The following GDNF variants were observed in gnomAD, a reference collection of about 807,000 sequenced individuals.
The protein encoded by GDNF is glial cell derived neurotrophic factor.
Under a neutral mutation model 13.7 loss-of-function variants are expected in GDNF, and 5 were observed. That is an observed-to-expected ratio of 0.36 (90% CI 0.19 to 0.77). GDNF has a LOEUF of 0.77. Ranked by LOEUF, GDNF falls within the 30% of genes least tolerant of loss-of-function variation. GDNF has a pLI of 0.51. For synonymous variants in GDNF, 122 were observed against 112.5 expected (o/e 1.08, Z -0.53); for missense variants, 246 against 274.3 (o/e 0.90, Z 0.73).
chr5:37,827,209 A>T (rs546463632), intron 2 of GDNF, among the ~76,000 whole-genome samples: 145 of 143,148 alleles, frequency 1.0e-3, no homozygotes, highest in Non-Finnish European at 1.4e-3. Context: ...CCTGGGTTTT[A>T]AAAAAAAAAA....
At position 37,815,694 on chromosome 5, in the gene GDNF, T is replaced by C. The variant is rs1207487154; in HGVS notation, c.593A>G (p.His198Arg). Residue 198 changes from histidine to arginine, a missense_variant, in exon 3 of 3, where the codon CAT becomes CGT. By Grantham distance (29) the His-to-Arg change is conservative. Coordinates refer to ENST00000326524, the MANE Select transcript of GDNF (RefSeq NM_000514.4). This position sits in a 1 kb window ranked among gnomAD's most constrained non-coding sequence, Gnocchi z 5.0. ...TTTAGCGGAATGCTTTCTTAGAATA[T>C]GGTAAACCAGGTTATCATCTAAAAA... ...LSFLDDNLVYHILRKHSAKRC... is the reference protein window; with the variant it reads ...LSFLDDNLVYRILRKHSAKRC... The C allele has an allele frequency of 1.9e-6, 3 of 1,613,692 alleles. No individual in the cohort carries two copies. The highest frequency in any genetic ancestry group is 2.5e-6 in the Non-Finnish European group (3 of 1,179,702).
In GDNF at chr5:37,815,885, A is replaced by G; in HGVS notation, c.402T>C (p.Tyr134=). The G allele has an allele frequency of 6.2e-7, 1 of 1,614,212 alleles. No homozygotes were observed. The change falls in exon 3 of 3, where the codon TAT becomes TAC. Residue 134 remains tyrosine, a synonymous_variant. Transcript: ENST00000326524. The surrounding 1 kb of genome is among the most constrained non-coding windows in gnomAD (Gnocchi z 5.0). Reference sequence around the variant, plus strand: ...TAAAAATCAGTTCCTCCTTGGTTTCATAGCCCAGACCCAAGTCAGTGACAT... The same window carrying G: ...TAAAAATCAGTTCCTCCTTGGTTTCGTAGCCCAGACCCAAGTCAGTGACAT... ...HLNVTDLGLG[Y]ETKEELIFRY...
chr5:37,816,272 C>A, intron 2 of GDNF, 137 bp from the exon 3 acceptor site: 1 of 781,322 alleles, frequency 1.3e-6, no homozygotes, highest in Non-Finnish European at 2.1e-6. Flanking sequence ...GCTATAGGAC[C>A]ACTGTAATCC....
Position 37,812,868 on chromosome 5 carries a change from C to T in GDNF, c.*2783G>A, listed in dbSNP as rs2111610892. The T allele has an allele frequency of 6.6e-6, 1 of 152,250 alleles. No individual in the cohort carries two copies. Among genetic ancestry groups the T allele is most frequent in the Middle Eastern group, 3.4e-3 (1 of 294 alleles). 9.4% of individuals were successfully genotyped at this position (152,250 alleles called of 1,614,324 possible). ...ATAAAGAAAAATCACAAACTTTACC[C>T]TTTTGTGGATTTGGTGGAGCAACTT... is the stretch of plus-strand genomic sequence containing the variant. On this transcript the variant is annotated 3_prime_UTR_variant, in exon 3 of 3. Coordinates refer to ENST00000326524, the MANE Select transcript of GDNF (RefSeq NM_000514.4).
intron 2 of GDNF, chr5:37,823,138 T>G (rs941615517): frequency 1.3e-5 from 2 of 152,188 alleles, no homozygotes; most frequent in African/African-American, 4.8e-5. Context: ...ACTATCTCCA[T>G]TTTACAGCTC....
chr5:37,837,438 G>A lies in GDNF; in HGVS notation c.-27+2069C>T, dbSNP rs1172378158. On this transcript the variant is annotated intron_variant, in intron 1 of 2. Coordinates refer to ENST00000326524, the MANE Select transcript of GDNF (RefSeq NM_000514.4). This position sits in a 1 kb window ranked among gnomAD's most constrained non-coding sequence, Gnocchi z 6.5. ...ACCACGTCCCGGCAGGGCAAAAGCA[G>A]CAGGCCGTGGGCGCCGGCACCTGTG... Among the ~76,000 whole-genome samples, 1 of 152,070 alleles carries A rather than the reference G, an allele frequency of 6.6e-6. No individual in the cohort carries two copies. The highest frequency in any genetic ancestry group is 1.5e-5 in the Non-Finnish European group (1 of 68,008).
In GDNF at chr5:37,815,932, C is replaced by G; in HGVS notation, c.355G>C (p.Val119Leu). 1 of 1,614,190 alleles carries G rather than the reference C, an allele frequency of 6.2e-7. No homozygotes were observed. The highest frequency in any genetic ancestry group is 8.5e-7 in the Non-Finnish European group (1 of 1,180,042). Residue 119 changes from valine (V) to leucine (L), a missense_variant, in exon 3 of 3, where the codon GTC becomes CTC. Val to Leu is a conservative substitution (Grantham distance 32, BLOSUM62 1). Coordinates refer to ENST00000326524, the MANE Select transcript of GDNF (RefSeq NM_000514.4). The surrounding 1 kb of genome is among the most constrained non-coding windows in gnomAD (Gnocchi z 5.0). The part of the protein sequence containing the change: ...RGQRGKNRGC[V>L]LTAIHLNVTD... ...ACATTTAAATGTATTGCAGTTAAGA[C>G]ACAACCCCGGTTTTTGCCCCTCTGG...
rs121918536 is a variant in GDNF, at chr5:37,815,654, G to C, written c.633C>G (p.Ile211Met). ...ACAGCAGTCTCTGGAGCCGGAGTCA[G>C]ATACATCCACACCTTTTAGCGGAAT... ...RKHSAKRCGCI is the reference protein window; with the variant it reads ...RKHSAKRCGCM Residue 211 changes from isoleucine to methionine, a missense_variant, in exon 3 of 3, where the codon ATC (isoleucine) becomes ATG (methionine). Physicochemically the swap from Ile to Met is conservative, Grantham distance 10. Transcript: ENST00000326524. The surrounding 1 kb of genome is among the most constrained non-coding windows in gnomAD (Gnocchi z 5.0). 180 of 1,613,140 alleles carry C rather than the reference G, an allele frequency of 1.1e-4. No individual in the cohort carries two copies. Among genetic ancestry groups the C allele is most frequent in the Non-Finnish European group, 1.5e-4 (177 of 1,179,334 alleles).
chr5:37,828,437 C>A (rs1010114824), intron 2 of GDNF, among the ~76,000 whole-genome samples: 4 of 152,196 alleles, frequency 2.6e-5, no homozygotes, highest in African/African-American at 9.7e-5. Context: ...TTTAAAAGGG[C>A]CAAAAGGAAA....
intron 2 of GDNF, among the ~76,000 whole-genome samples, chr5:37,826,736 C>T (rs1750329382): frequency 6.6e-6 from 1 of 152,194 alleles, no homozygotes; most frequent in African/African-American, 2.4e-5. Context: ...TCCTCAATTT[C>T]CACATGTGCC....
rs150577324 is a variant in GDNF at position 37,815,487 on chromosome 5, TTCCTCCTCCTCC to T, written c.*152_*163del. The T allele has an allele frequency of 1.1e-4, 68 of 637,824 alleles. 1 individual carries two copies. The highest frequency in any genetic ancestry group is 4.0e-4 in the Middle Eastern group (1 of 2,486). The allele number at this position is 637,824 out of a possible 1,614,324, so 39.5% of individuals were successfully genotyped here. A position where few individuals can be genotyped will look rare whatever the true frequency, so the allele number is the denominator to read the frequency against. On this transcript the variant is annotated 3_prime_UTR_variant, in exon 3 of 3. Transcript: ENST00000326524. The surrounding 1 kb of genome is among the most constrained non-coding windows in gnomAD (Gnocchi z 5.0). Reference sequence around the variant, plus strand: ...CTACCAGGCTCCCATGATGGCTGCCTTCCTCCTCCTCCTCCTCCTCCTCCTCCTCCTCCTCTT... The same window carrying T: ...CTACCAGGCTCCCATGATGGCTGCCTTCCTCCTCCTCCTCCTCCTCCTCTT...
chr5:37,817,161 A>G (rs545130411), intron 2 of GDNF, among the ~76,000 whole-genome samples: 6 of 152,206 alleles, frequency 3.9e-5, no homozygotes, highest in African/African-American at 1.4e-4. Flanking sequence ...CAGGGACACT[A>G]AGATGTCTGA....
Position 37,815,798 on chromosome 5 carries a change from T to A in GDNF, c.489A>T (p.Leu163Phe). The A allele has an allele frequency of 6.2e-7, 1 of 1,614,212 alleles. No homozygotes were observed. Reference protein sequence around the residue: ...ETTYDKILKNLSRNRRLVSDK... With the variant: ...ETTYDKILKNFSRNRRLVSDK... ...CACTCACCAGCCTTCTATTTCTGGA[T>A]AAGTTTTTCAATATTTTGTCGTACG... The change falls in exon 3 of 3, where the codon TTA becomes TTT. Residue 163 changes from leucine (L) to phenylalanine (F), a missense_variant. Physicochemically the swap from Leu to Phe is conservative, Grantham distance 22. Transcript: ENST00000326524. The surrounding 1 kb of genome is among the most constrained non-coding windows in gnomAD (Gnocchi z 5.0).
chr5:37,825,080 ATCAAAATGCCATC>A (rs1464338709), intron 2 of GDNF, among the ~76,000 whole-genome samples: 1 of 152,236 alleles, frequency 6.6e-6, no homozygotes, highest in Non-Finnish European at 1.5e-5. Context: ...CACTTTGCCC[ATCAAAATGCCATC>A]TTATTTACCA....
Position 37,815,517 on chromosome 5 carries a change from CTCCTCT to C in GDNF, c.*128_*133del, listed in dbSNP as rs886060603. 1,711 of 798,074 alleles carry C rather than the reference CTCCTCT, an allele frequency of 2.1e-3. 12 individuals carry two copies. In the African/African-American group the frequency reaches 0.025, roughly 12 times the overall value. 49.4% of individuals were successfully genotyped at this position (798,074 alleles called of 1,614,324 possible). On this transcript the variant is annotated 3_prime_UTR_variant, in exon 3 of 3. Coordinates refer to ENST00000326524, the MANE Select transcript of GDNF (RefSeq NM_000514.4). The surrounding 1 kb of genome is among the most constrained non-coding windows in gnomAD (Gnocchi z 5.0). Reference sequence around the variant, plus strand: ...CCTCCTCCTCCTCCTCCTCCTCCTCCTCCTCTTCTTCTTCCTCCTCCTCCGCCTCCT... The same window carrying C: ...CCTCCTCCTCCTCCTCCTCCTCCTCCTCTTCTTCCTCCTCCTCCGCCTCCT...
intron 1 of GDNF, among the ~76,000 whole-genome samples, chr5:37,836,809 T>C (rs2111731568): frequency 6.6e-6 from 1 of 152,330 alleles, no homozygotes; most frequent in African/African-American, 2.4e-5. Flanking sequence ...TTCCCTTCCG[T>C]CTTAAGAGGG....
intron 2 of GDNF, among the ~76,000 whole-genome samples, chr5:37,830,337 ACATAAC>A (rs1272856315): frequency 6.6e-6 from 1 of 152,160 alleles, no homozygotes; most frequent in Non-Finnish European, 1.5e-5. Flanking sequence ...GGTCTCCCTA[ACATAAC>A]CATAGGAGTT....
At chr5:37,822,143 T>C (rs2910705) in intron 2 of GDNF, among the ~76,000 whole-genome samples, 18,292 of 152,064 alleles carry the variant, frequency 0.12, 1,333 homozygotes, top group East Asian at 0.22. Flanking sequence ...CAACTCCTTA[T>C]CCAGAAGGTG....
chr5:37,815,515 TC>T lies in GDNF; in HGVS notation c.*135del. 1.4e-5 allele frequency: 11 copies of T among 778,622 alleles called. No homozygotes were observed. Among genetic ancestry groups the T allele is most frequent in the Admixed American group, 6.0e-5 (3 of 49,864 alleles). 48.2% of individuals were successfully genotyped at this position (778,622 alleles called of 1,614,324 possible). On this transcript the variant is annotated 3_prime_UTR_variant, in exon 3 of 3. Coordinates refer to ENST00000326524, the MANE Select transcript of GDNF (RefSeq NM_000514.4). The surrounding 1 kb of genome is among the most constrained non-coding windows in gnomAD (Gnocchi z 5.0). ...CTCCTCCTCCTCCTCCTCCTCCTCC[TC>T]CTCCTCTTCTTCTTCCTCCTCCTCC...
Sources: gnomAD v4.1 joint callset for allele counts (sites outside exome capture counted in the v4.1 genomes callset) on GRCh38, gnomAD v4.1.1 for gene constraint, Gnocchi (gnomAD v3.1) non-coding constraint, MANE v1.5 for transcripts, NCBI Gene and HGNC (gene_info 2026-07-23, HGNC 2026-07-21) for gene names.